Variants in SH3GL2 observed in about 807,000 individuals in gnomAD.
SH3GL2 encodes the protein SH3 domain containing GRB2 like 2, endophilin A1, also known as endophilin-A1.
SH3GL2 carries 24 observed loss-of-function variants against 46.0 expected under a neutral mutation model. That is an observed-to-expected ratio of 0.52 (90% CI 0.38 to 0.73). The LOEUF is 0.73. Among genes scored for constraint, SH3GL2 ranks in the 30% least tolerant of loss-of-function variants. The pLI is 0.00. For missense variants in SH3GL2, 413 were observed against 424.2 expected, an observed-to-expected ratio of 0.97 and a Z score of 0.23; for synonymous variants, 196 against 147.1, an observed-to-expected ratio of 1.33 and a Z score of -2.40.
At chr9:17,790,428 G>A in intron 6 of SH3GL2, 4 of 984,768 alleles carry the variant, frequency 4.1e-6, no homozygotes, top group Non-Finnish European at 4.8e-6. Context: ...GGGGAAGTGT[G>A]TTGAACATAT....
At chr9:17,713,965 G>T (rs1821689726) in intron 1 of SH3GL2, among the ~76,000 whole-genome samples, 1 of 151,668 alleles carries the variant, frequency 6.6e-6, no homozygotes, top group Admixed American at 6.6e-5. Context: ...TAATTATTGA[G>T]AAAAGGGTAC....
intron 2 of SH3GL2, among the ~76,000 whole-genome samples, chr9:17,754,539 G>C (rs998317681): frequency 6.6e-6 from 1 of 152,098 alleles, no homozygotes; most frequent in Non-Finnish European, 1.5e-5. Flanking sequence ...TGGGTATGGT[G>C]GCAGGCGCCT....
At chr9:17,653,685 G>A (rs986182130) in intron 1 of SH3GL2, among the ~76,000 whole-genome samples, 13 of 152,112 alleles carry the variant, frequency 8.5e-5, no homozygotes, top group African/African-American at 2.9e-4. Flanking sequence ...AGAGCTCCTC[G>A]CCTTGTGAAT....
intron 3 of SH3GL2, among the ~76,000 whole-genome samples, chr9:17,782,438 A>T (rs146228866): frequency 9.2e-5 from 14 of 152,206 alleles, no homozygotes. Context: ...GGAGTGAATG[A>T]TGGTAAACCA....
chr9:17,617,405 G>C (rs1045164715), intron 1 of SH3GL2, among the ~76,000 whole-genome samples: 2 of 152,148 alleles, frequency 1.3e-5, no homozygotes, highest in East Asian at 3.9e-4. Flanking sequence ...AGGGAAATAG[G>C]CATCATTGGA....
At chr9:17,622,306 A>C (rs891720991) in intron 1 of SH3GL2, among the ~76,000 whole-genome samples, 1 of 152,190 alleles carries the variant, frequency 6.6e-6, no homozygotes, top group Non-Finnish European at 1.5e-5. Flanking sequence ...TAATATGCAA[A>C]TAAGCCATCT....
At chr9:17,774,768 G>T (rs9406718) in intron 3 of SH3GL2, among the ~76,000 whole-genome samples, 1 of 152,028 alleles carries the variant, frequency 6.6e-6, no homozygotes, top group Non-Finnish European at 1.5e-5. Flanking sequence ...TAGTGTCTTT[G>T]TCTGGCTTTG....
intron 2 of SH3GL2, among the ~76,000 whole-genome samples, chr9:17,756,557 T>C (rs1161579567): frequency 2.0e-5 from 3 of 147,702 alleles, no homozygotes; most frequent in African/African-American, 5.0e-5. Context: ...TTCCCACCTA[T>C]GAGTGAGAAC....
At chr9:17,738,641 T>TATATATATATATATATAG (rs376280314) in intron 1 of SH3GL2, among the ~76,000 whole-genome samples, 3 of 88,898 alleles carry the variant, frequency 3.4e-5, no homozygotes, top group South Asian at 4.9e-4. Flanking sequence ...TATATATATA[T>TATATATATATATATATAG]AGAGAGAGAG....
intron 1 of SH3GL2, chr9:17,590,803 T>TCTCACTCTGTCGCAGTGG (rs1818468235): frequency 6.6e-6 from 1 of 152,216 alleles, no homozygotes; most frequent in Non-Finnish European, 1.5e-5. Flanking sequence ...TGAGACAGGG[T>TCTCACTCTGTCGCAGTGG]CTCACTCTGT....
At chr9:17,635,866 A>G (rs1819530237) in intron 1 of SH3GL2, among the ~76,000 whole-genome samples, 2 of 152,180 alleles carry the variant, frequency 1.3e-5, no homozygotes, top group Admixed American at 1.3e-4. Flanking sequence ...GTTTGGAAGG[A>G]TAAAAGCCAC....
chr9:17,739,510 A>G (rs908498015), intron 1 of SH3GL2, among the ~76,000 whole-genome samples: 6 of 152,114 alleles, frequency 3.9e-5, no homozygotes, highest in African/African-American at 1.2e-4. Flanking sequence ...ATTGCCAGGG[A>G]TGGGAAACTA....
chr9:17,742,827 G>A (rs1822565062), intron 1 of SH3GL2, among the ~76,000 whole-genome samples: 1 of 152,198 alleles, frequency 6.6e-6, no homozygotes, highest in African/African-American at 2.4e-5. Context: ...AAATGGTACA[G>A]GAGAGTTGTT....
intron 1 of SH3GL2, among the ~76,000 whole-genome samples, chr9:17,738,671 G>GAGAGAGAC (rs1822435375): frequency 6.9e-6 from 1 of 144,510 alleles, no homozygotes; most frequent in South Asian, 2.2e-4. Flanking sequence ...GAGAGAGAGA[G>GAGAGAGAC]AGATAATTTT....
chr9:17,731,584 A>G (rs1822183803), intron 1 of SH3GL2, among the ~76,000 whole-genome samples: 1 of 152,154 alleles, frequency 6.6e-6, no homozygotes, highest in Non-Finnish European at 1.5e-5. Context: ...AAAACCAACC[A>G]TGTTGGCACT....
intron 1 of SH3GL2, among the ~76,000 whole-genome samples, chr9:17,683,673 G>T (rs949115922): frequency 6.6e-6 from 1 of 152,046 alleles, no homozygotes; most frequent in Non-Finnish European, 1.5e-5. Flanking sequence ...ACACCAGGAT[G>T]CTAAGCTCAG....
Position 17,615,068 on chromosome 9 carries a change from G to T in SH3GL2, c.45+35781G>T, listed in dbSNP as rs559289372. Among the ~76,000 whole-genome samples the T allele has an allele frequency of 7.9e-5, 12 of 152,244 alleles. No individual in the cohort carries two copies. In the East Asian group the frequency reaches 2.1e-3, roughly 27 times the overall value. On this transcript the variant is annotated intron_variant, in intron 1 of 8. Coordinates refer to ENST00000380607, the MANE Select transcript of SH3GL2 (RefSeq NM_003026.5). ...CTCTGTCATTGGACCCCTCCCAACT[G>T]CTGTGGACACTTGGGCTGTGTGCTG...
intron 1 of SH3GL2, among the ~76,000 whole-genome samples, chr9:17,716,154 A>G (rs537998109): frequency 1.1e-4 from 17 of 152,238 alleles, no homozygotes; most frequent in African/African-American, 3.6e-4. Context: ...TTGTCAAACA[A>G]TTGTATCATC....
At chr9:17,790,649 T>A (rs1824101321) in intron 6 of SH3GL2, among the ~76,000 whole-genome samples, 1 of 152,182 alleles carries the variant, frequency 6.6e-6, no homozygotes, top group South Asian at 2.1e-4. Context: ...AGCTGGATCA[T>A]AATGTGAAAC....
Sources: allele counts gnomAD v4.1 joint callset (sites outside exome capture counted in the v4.1 genomes callset), GRCh38; gene constraint gnomAD v4.1.1; transcripts MANE v1.5; gene names NCBI Gene and HGNC (gene_info 2026-07-23, HGNC 2026-07-21).